The following SIPA1L1 variants were observed in gnomAD, a reference collection of about 807,000 sequenced individuals.
SIPA1L1 encodes signal-induced proliferation-associated 1-like protein 1.
A neutral mutation model predicts 162.7 loss-of-function variants in SIPA1L1; 26 were observed. The ratio of observed to expected loss-of-function variants is 0.16; its 90% CI spans 0.12 to 0.22. SIPA1L1 has a LOEUF of 0.22. Among genes scored for constraint, SIPA1L1 ranks in the 10% least tolerant of loss-of-function variants. SIPA1L1 has a pLI of 1.00. For synonymous variants in SIPA1L1, 829 were observed against 837.4 expected (o/e 0.99, Z 0.17); for missense variants, 1,874 against 2,241.0 (o/e 0.84, Z 3.31).
In SIPA1L1 at chr14:71,705,648, A is replaced by G. The variant is rs78958370; in HGVS notation, c.3765+308A>G. On this transcript the variant is annotated intron_variant, in intron 16 of 23. Transcript: ENST00000381232. Reference sequence around the variant, plus strand: ...GAAGTTGATTTTATTTGCTTACACAATTGCAAGCATGAGATGTGGTTGGAG... The same window carrying G: ...GAAGTTGATTTTATTTGCTTACACAGTTGCAAGCATGAGATGTGGTTGGAG... Among the ~76,000 whole-genome samples the G allele has an allele frequency of 9.3e-3, 1,415 of 152,034 alleles. 14 individuals are homozygous for G. The highest frequency in any genetic ancestry group is 0.02 in the Middle Eastern group (6 of 294).
At chr14:71,604,299 A>G (rs1330482628) in intron 5 of SIPA1L1, among the ~76,000 whole-genome samples, 1 of 151,928 alleles carries the variant, frequency 6.6e-6, no homozygotes, top group Non-Finnish European at 1.5e-5. Flanking sequence ...ACCTGGCCTT[A>G]GCTAATTTTT....
intron 2 of SIPA1L1, among the ~76,000 whole-genome samples, chr14:71,499,665 G>T (rs2050051615): frequency 6.6e-6 from 1 of 152,130 alleles, no homozygotes; most frequent in Non-Finnish European, 1.5e-5. Flanking sequence ...GGAAAAAAAA[G>T]GTGATTGATG....
At chr14:71,516,295 A>C (rs2051721734) in intron 3 of SIPA1L1, among the ~76,000 whole-genome samples, 1 of 152,226 alleles carries the variant, frequency 6.6e-6, no homozygotes, top group African/African-American at 2.4e-5. Context: ...ATACATACAT[A>C]TTTAAACAAA....
Position 71,699,096 on chromosome 14 carries a change from G to A in SIPA1L1, c.3490G>A (p.Gly1164Ser). ...ATCCAGTGATACTGGTTCTGTGGGG[G>A]GCACTTACAGGCAGAAGTCCATGCC... The part of the protein sequence containing the change: ...SSSSDTGSVG[G>S]TYRQKSMPEG... Residue 1164 changes from glycine (G) to serine (S), a missense_variant, in exon 14 of 24, where the codon GGC becomes AGC. Physicochemically the swap from Gly to Ser is moderately conservative, Grantham distance 56 (BLOSUM62 0). Around this residue, in one of 5 missense-constraint regions of SIPA1L1, gnomAD observed 936 missense variants for 1,051.9 expected, o/e 0.89. Transcript: ENST00000381232. 3.1e-6 allele frequency: 5 copies of A among 1,614,134 alleles called. No homozygotes were observed. The highest frequency in any genetic ancestry group is 2.5e-6 in the Non-Finnish European group (3 of 1,179,996).
rs992125658 is a variant in SIPA1L1, at chr14:71,655,483, C to T, written c.1994-2850C>T. On this transcript the variant is annotated intron_variant, in intron 8 of 23. Transcript: ENST00000381232. ...TTATTTCTTTTCCTTTGAGTAGATA[C>T]CCAGTAGGGAGACTGCTGGGTCAAA... 3.9e-5 allele frequency among the ~76,000 whole-genome samples: 6 copies of T among 152,224 alleles called. No homozygotes were observed. The South Asian group carries it at 1.2e-3, about 32-fold the overall frequency.
chr14:71,377,263 C>T lies in SIPA1L1; in HGVS notation c.-465+56082C>T, dbSNP rs908441375. On this transcript the variant is annotated intron_variant, in intron 2 of 23. Transcript: ENST00000381232. The surrounding 1 kb of genome is among the most constrained non-coding windows in gnomAD (Gnocchi z 4.8). ...GTGCCCCCCCACCTCCCAGACGGGG[C>T]GGCGGCCGGACGGGGGCGTTCTCCA... 2.4e-4 allele frequency among the ~76,000 whole-genome samples: 37 copies of T among 151,342 alleles called. 1 individual carries two copies. Among genetic ancestry groups the T allele is most frequent in the African/African-American group, 7.8e-4 (32 of 41,246 alleles).
intron 2 of SIPA1L1, among the ~76,000 whole-genome samples, chr14:71,329,044 A>G (rs985250870): frequency 6.6e-6 from 1 of 152,184 alleles, no homozygotes; most frequent in Non-Finnish European, 1.5e-5. Context: ...CTGTGTCTGA[A>G]TTATTTGACT....
At chr14:71,619,110 G>A (rs1051085345) in intron 6 of SIPA1L1, among the ~76,000 whole-genome samples, 1 of 152,056 alleles carries the variant, frequency 6.6e-6, no homozygotes, top group African/African-American at 2.4e-5. Flanking sequence ...CTATGAATGA[G>A]GAGTTTTGAT....
At chr14:71,507,351 G>A (rs889144987) in intron 2 of SIPA1L1, among the ~76,000 whole-genome samples, 23 of 152,082 alleles carry the variant, frequency 1.5e-4, no homozygotes, top group Non-Finnish European at 2.6e-4. Flanking sequence ...TTTGTCATAT[G>A]ATAATTCTGG....
chr14:71,698,150 T>A (rs565410172), intron 13 of SIPA1L1, among the ~76,000 whole-genome samples: 2 of 152,228 alleles, frequency 1.3e-5, no homozygotes, highest in African/African-American at 2.4e-5. Context: ...ATACCATCGT[T>A]ACTAAGGGTT....
intron 5 of SIPA1L1, among the ~76,000 whole-genome samples, chr14:71,598,862 A>C: frequency 6.6e-6 from 1 of 151,890 alleles, no homozygotes; most frequent in Non-Finnish European, 1.5e-5. Flanking sequence ...CGTTGCTAAT[A>C]ACTATAGTCA....
intron 19 of SIPA1L1, 109 bp from the exon 20 acceptor site, chr14:71,729,946 T>C: frequency 1.7e-6 from 2 of 1,192,390 alleles, no homozygotes; most frequent in Non-Finnish European, 1.2e-6. Flanking sequence ...GCTTCCTTGC[T>C]AGGGGTGTGT....
chr14:71,691,907 C>T (rs2081282723), intron 13 of SIPA1L1, among the ~76,000 whole-genome samples: 1 of 152,230 alleles, frequency 6.6e-6, no homozygotes, highest in Non-Finnish European at 1.5e-5. Flanking sequence ...TGAAACTTCG[C>T]TTTAATGTTA....
chr14:71,477,990 T>G (rs1011678967), intron 2 of SIPA1L1, among the ~76,000 whole-genome samples: 1 of 152,178 alleles, frequency 6.6e-6, no homozygotes, highest in African/African-American at 2.4e-5. Context: ...TATAAAAGTT[T>G]CAGATGCATG....
At chr14:71,448,128 G>C (rs1019043596) in intron 2 of SIPA1L1, among the ~76,000 whole-genome samples, 4 of 152,204 alleles carry the variant, frequency 2.6e-5, no homozygotes, top group Non-Finnish European at 5.9e-5. Context: ...GAAGGAACTT[G>C]TCTAATGCCC....
chr14:71,631,508 A>G (rs867967469), intron 7 of SIPA1L1, among the ~76,000 whole-genome samples: 6 of 152,220 alleles, frequency 3.9e-5, no homozygotes, highest in Non-Finnish European at 7.3e-5. Context: ...ATTCATCTCA[A>G]TGTCAAAAAA....
At chr14:71,378,470 A>T (rs1255590330) in intron 2 of SIPA1L1, among the ~76,000 whole-genome samples, 1 of 152,068 alleles carries the variant, frequency 6.6e-6, no homozygotes, top group Admixed American at 6.6e-5. Flanking sequence ...ATTTTCTTAG[A>T]TATCCTGTTA....
intron 2 of SIPA1L1, among the ~76,000 whole-genome samples, chr14:71,481,832 G>T (rs2048376977): frequency 6.6e-6 from 1 of 152,196 alleles, no homozygotes; most frequent in Admixed American, 6.5e-5. Context: ...AGACAATTAG[G>T]AAGGTGAAGT....
chr14:71,576,893 G>GCCAA (rs1454637210), intron 4 of SIPA1L1, among the ~76,000 whole-genome samples: 2 of 152,070 alleles, frequency 1.3e-5, no homozygotes, highest in African/African-American at 4.8e-5. Context: ...GACCAGCCTG[G>GCCAA]CCAACATGGT....
Sources: gnomAD v4.1 joint callset for allele counts (sites outside exome capture counted in the v4.1 genomes callset) on GRCh38, gnomAD v4.1.1 for gene constraint, gnomAD v4.1.1 regional missense constraint, Gnocchi (gnomAD v3.1) non-coding constraint, MANE v1.5 for transcripts, NCBI Gene and HGNC (gene_info 2026-07-23, HGNC 2026-07-21) for gene names.